The following PHKA1 variants were observed in gnomAD, a reference collection of about 807,000 sequenced individuals.
PHKA1 encodes phosphorylase kinase regulatory subunit alpha 1.
Under a neutral mutation model 110.2 loss-of-function variants are expected in PHKA1, and 60 were observed. The observed-to-expected ratio is 0.54, with a 90% confidence interval of 0.44 to 0.68. The LOEUF (loss-of-function observed/expected upper bound fraction) is 0.68. PHKA1 is among the 30% of genes least tolerant of loss of function. The pLI is 0.00. For synonymous variants in PHKA1, 316 were observed against 333.6 expected, an observed-to-expected ratio of 0.95 and a Z score of 0.58; for missense variants, 801 against 942.5, an observed-to-expected ratio of 0.85 and a Z score of 1.97.
chrX:72,700,035 C>G (rs1370923051), intron 3 of PHKA1, among the ~76,000 whole-genome samples: 2 of 112,110 alleles, frequency 1.8e-5, no homozygotes, highest in Non-Finnish European at 3.8e-5. Context: ...AAAGCATTAA[C>G]CAACTCCACC....
intron 6 of PHKA1, among the ~76,000 whole-genome samples, chrX:72,674,020 T>C (rs1277961378): frequency 2.1e-5 from 2 of 95,198 alleles, no homozygotes; most frequent in African/African-American, 4.0e-5. Context: ...TGTGTTCTCA[T>C]TGTTCAATTC....
chrX:72,710,490 C>T (rs1161029699), intron 2 of PHKA1, among the ~76,000 whole-genome samples: 3 of 111,962 alleles, frequency 2.7e-5, no homozygotes, highest in Non-Finnish European at 5.6e-5. Context: ...CCACATGTGA[C>T]CTACAACCCT....
chrX:72,663,912 A>G (rs2053589522), intron 8 of PHKA1, among the ~76,000 whole-genome samples: 1 of 109,605 alleles, frequency 9.1e-6, no homozygotes, highest in Non-Finnish European at 1.9e-5. Context: ...ACATACAGAA[A>G]GGGCACATAC....
intron 23 of PHKA1, among the ~76,000 whole-genome samples, chrX:72,606,906 T>C (rs1222784719): frequency 9.0e-6 from 1 of 111,688 alleles, no homozygotes; most frequent in African/African-American, 3.3e-5. Context: ...ACCATCATTC[T>C]ACTTTCTATC....
chrX:72,669,315 C>T (rs2053651058), intron 6 of PHKA1, among the ~76,000 whole-genome samples: 1 of 111,593 alleles, frequency 9.0e-6, no homozygotes, highest in South Asian at 3.8e-4. Flanking sequence ...ACCCCTGTGA[C>T]AAGTCTCTGC....
Position 72,714,108 on chromosome X carries a change from C to T in PHKA1, c.-228G>A, listed in dbSNP as rs782208058. On this transcript the variant is annotated 5_prime_UTR_variant, in exon 1 of 32. Coordinates refer to ENST00000373542, the MANE Select transcript of PHKA1 (RefSeq NM_002637.4). ...CACGCGCCAGCGCTAGCACTGGCTT[C>T]CCGCGGTCTAGAGCCCCGCCGCAGC... 4.9e-5 allele frequency: 21 copies of T among 427,351 alleles called. No individual in the cohort carries two copies. Among genetic ancestry groups the T allele is most frequent in the African/African-American group, 2.2e-4 (9 of 40,778 alleles). The allele number at this position is 427,351 out of a possible 1,213,427, so 35.2% of individuals were successfully genotyped here. A position where few individuals can be genotyped will look rare whatever the true frequency, so the allele number is the denominator to read the frequency against.
chrX:72,605,227 C>T lies in PHKA1; in HGVS notation c.2815+44G>A, dbSNP rs782362586. ...CCTTATTCCAAACTCTATAAACTTA[C>T]ATCAAAAGTGAATTCCACCTAAAAT... On this transcript the variant is annotated intron_variant, in intron 25 of 31. Transcript: ENST00000373542. The T allele has an allele frequency of 9.0e-6, 10 of 1,111,109 alleles. No homozygotes were observed. In the South Asian group the frequency reaches 1.8e-4, roughly 20 times the overall value. The allele number at this position is 1,111,109 out of a possible 1,213,427, so 91.6% of individuals were successfully genotyped here.
Position 72,626,066 on chromosome X carries a change from A to C in PHKA1, c.1793+905T>G, listed in dbSNP as rs72630055. On this transcript the variant is annotated intron_variant, in intron 17 of 31. Coordinates refer to ENST00000373542, the MANE Select transcript of PHKA1 (RefSeq NM_002637.4). ...TTTTAGCAAAAAAGCATGTGTGTAC[A>C]TGTGTGTATATATATGTATATATAT... 1.5e-4 allele frequency among the ~76,000 whole-genome samples: 15 copies of C among 99,967 alleles called. No homozygotes were observed. In the Admixed American group the frequency reaches 1.7e-3, roughly 11 times the overall value. The allele number at this position is 99,967 out of a possible 115,157, so 86.8% of individuals were successfully genotyped here.
At position 72,610,832 on chromosome X, in the gene PHKA1, T is replaced by C. The variant is rs782420749; in HGVS notation, c.2526+196A>G. On this transcript the variant is annotated intron_variant, in intron 22 of 31. Transcript: ENST00000373542. The stretch of plus-strand genomic sequence containing the variant: ...ATTCTTAATATCATTATAAAGATGT[T>C]ATGGTTTATAACATTTTATAAATCT... Among the ~76,000 whole-genome samples, 195 of 111,918 alleles carry C rather than the reference T, an allele frequency of 1.7e-3. 1 individual carries two copies. The highest frequency in any genetic ancestry group is 5.9e-3 in the African/African-American group (182 of 30,852).
chrX:72,635,044 T>G (rs2053212940), intron 16 of PHKA1, 111 bp downstream of exon 16: 1 of 991,540 alleles, frequency 1.0e-6, no homozygotes, highest in Non-Finnish European at 1.4e-6. Context: ...TAAATACTGC[T>G]GAAAGAATAA....
At chrX:72,594,863 C>T (rs1336457051) in intron 28 of PHKA1, among the ~76,000 whole-genome samples, 1 of 112,167 alleles carries the variant, frequency 8.9e-6, no homozygotes, top group Non-Finnish European at 1.9e-5. Context: ...CTGGTTAATT[C>T]TACAAAACAT....
At chrX:72,651,197 CTG>C (rs2053424731) in intron 12 of PHKA1, among the ~76,000 whole-genome samples, 1 of 111,382 alleles carries the variant, frequency 9.0e-6, no homozygotes, top group Non-Finnish European at 1.9e-5. Context: ...ACTTGAGTTT[CTG>C]CCCTTTATGA....
At position 72,623,292 on chromosome X, in the gene PHKA1, G is replaced by C; in HGVS notation, c.1794-17C>G. On this transcript the variant is annotated splice_polypyrimidine_tract_variant and intron_variant, in intron 17 of 31. Transcript: ENST00000373542. The stretch of plus-strand genomic sequence containing the variant: ...GTTTGAACCCTAAAAATTAGAGGAG[G>C]ATAGAAAACAGAAAATCAGGGGTGA... 1 of 1,184,348 alleles carries C rather than the reference G, an allele frequency of 8.4e-7. No homozygotes were observed. Among genetic ancestry groups the C allele is most frequent in the Non-Finnish European group, 1.1e-6 (1 of 872,358 alleles).
chrX:72,637,312 T>C (rs1302487451), intron 14 of PHKA1, among the ~76,000 whole-genome samples: 2 of 112,333 alleles, frequency 1.8e-5, no homozygotes, highest in Non-Finnish European at 3.8e-5. Flanking sequence ...TATCTTTCCT[T>C]TTGTAACTAG....
intron 5 of PHKA1, among the ~76,000 whole-genome samples, chrX:72,682,371 C>G (rs868940719): frequency 8.9e-6 from 1 of 112,079 alleles, no homozygotes; most frequent in Non-Finnish European, 1.9e-5. Context: ...CCAGCCGCCC[C>G]GTCCGGGAGG....
At chrX:72,708,383 C>A (rs2054320912) in intron 2 of PHKA1, among the ~76,000 whole-genome samples, 1 of 110,962 alleles carries the variant, frequency 9.0e-6, no homozygotes, top group Non-Finnish European at 1.9e-5. Context: ...ATCAGCCTGG[C>A]TGGAACTGGG....
At chrX:72,596,782 A>G (rs1418486739) in intron 28 of PHKA1, among the ~76,000 whole-genome samples, 1 of 111,651 alleles carries the variant, frequency 9.0e-6, no homozygotes, top group Non-Finnish European at 1.9e-5. Context: ...GAAACTGACA[A>G]GCTGATCCTA....
chrX:72,601,893 G>T, intron 28 of PHKA1, 98 bp downstream of exon 28: 2 of 620,844 alleles, frequency 3.2e-6, no homozygotes, highest in South Asian at 2.4e-5. Flanking sequence ...TCTACTCCAT[G>T]ACTTGTTATC....
intron 4 of PHKA1, among the ~76,000 whole-genome samples, chrX:72,688,347 C>T (rs1043298989): frequency 5.4e-5 from 6 of 111,627 alleles, no homozygotes; most frequent in Admixed American, 1.9e-4. Flanking sequence ...GGAAAGACGC[C>T]GGTAAAGAGA....
Sources: allele counts gnomAD v4.1 joint callset (sites outside exome capture counted in the v4.1 genomes callset), GRCh38; gene constraint gnomAD v4.1.1; transcripts MANE v1.5; gene names NCBI Gene and HGNC (gene_info 2026-07-23, HGNC 2026-07-21).